SSBP2: variants seen among roughly 807,000 people sequenced by gnomAD.
SSBP2 encodes single stranded DNA binding protein 2, also known as single-stranded DNA-binding protein 2.
In SSBP2, 17 loss-of-function variants were observed where a neutral mutation model predicts 61.8. The observed-to-expected ratio is 0.28, with a 90% CI of 0.19 to 0.41. The LOEUF (loss-of-function observed/expected upper bound fraction) is 0.41, where lower values mean the gene tolerates loss of function less well. Among genes scored for constraint, SSBP2 ranks in the 10% least tolerant of loss-of-function variants. The pLI is 1.00. For missense variants in SSBP2, 310 were observed against 458.7 expected (o/e 0.68, Z 2.96); for synonymous variants, 139 against 141.3 (o/e 0.98, Z 0.12).
At chr5:81,746,819 A>C (rs1039395814) in intron 1 of SSBP2, among the ~76,000 whole-genome samples, 8 of 152,160 alleles carry the variant, frequency 5.3e-5, no homozygotes, top group Non-Finnish European at 4.4e-5. Flanking sequence ...GCTTTCTAGC[A>C]GATTCATCTT....
intron 1 of SSBP2, among the ~76,000 whole-genome samples, chr5:81,682,832 AAGATTAAC>A (rs1366830560): frequency 6.6e-6 from 1 of 152,182 alleles, no homozygotes; most frequent in Non-Finnish European, 1.5e-5. Context: ...TGCAGAACAC[AAGATTAAC>A]AGAAAAAATC....
chr5:81,504,767 C>T (rs552435932), intron 5 of SSBP2, among the ~76,000 whole-genome samples: 1 of 152,234 alleles, frequency 6.6e-6, no homozygotes, highest in South Asian at 2.1e-4. Flanking sequence ...TCTATGAAGA[C>T]AAGAATTTCT....
Position 81,413,718 on chromosome 5 carries a change from G to A in SSBP2, c.*6786C>T, listed in dbSNP as rs1034985310. ...AAAACAGTTTGAAATATGATAGAAA[G>A]TATAAACACATTTCAATCAGTAGTT... On this transcript the variant is annotated 3_prime_UTR_variant, in exon 17 of 17. Transcript: ENST00000320672. The A allele has an allele frequency of 6.6e-6, 1 of 152,108 alleles. No homozygotes were observed. Among genetic ancestry groups the A allele is most frequent in the African/African-American group, 2.4e-5 (1 of 41,426 alleles). The allele number at this position is 152,108 out of a possible 1,614,324, so 9.4% of individuals were successfully genotyped here.
intron 6 of SSBP2, among the ~76,000 whole-genome samples, chr5:81,483,041 G>A (rs145697345): frequency 2.1e-3 from 323 of 152,310 alleles, no homozygotes; most frequent in African/African-American, 6.8e-3. Flanking sequence ...ATAGTGATCA[G>A]GGAGTGGCTG....
chr5:81,644,062 A>AT (rs1455783685), intron 2 of SSBP2, among the ~76,000 whole-genome samples: 2 of 152,224 alleles, frequency 1.3e-5, no homozygotes, highest in Admixed American at 6.5e-5. Context: ...AGTTAACTGA[A>AT]TGTTCCTCAG....
chr5:81,730,374 G>A (rs1180958251), intron 1 of SSBP2, among the ~76,000 whole-genome samples: 1 of 152,046 alleles, frequency 6.6e-6, no homozygotes, highest in Non-Finnish European at 1.5e-5. Flanking sequence ...ACAGGCGCCC[G>A]CTACCACGCC....
chr5:81,687,861 G>A (rs919244224), intron 1 of SSBP2, among the ~76,000 whole-genome samples: 1 of 152,208 alleles, frequency 6.6e-6, no homozygotes, highest in Non-Finnish European at 1.5e-5. Context: ...TAGCCAGGCA[G>A]TACTTGCTAT....
intron 10 of SSBP2, among the ~76,000 whole-genome samples, chr5:81,457,452 C>T (rs1764237586): frequency 6.6e-6 from 1 of 152,028 alleles, no homozygotes. Flanking sequence ...AATAGATGTC[C>T]AAAATAGCAG....
chr5:81,698,493 T>A lies in SSBP2; in HGVS notation c.63-48154A>T, dbSNP rs1012680328. Among the ~76,000 whole-genome samples, 3 of 152,208 alleles carry A rather than the reference T, an allele frequency of 2.0e-5. No individual in the cohort carries two copies. In the South Asian group the frequency reaches 6.2e-4, roughly 32 times the overall value. ...GACAGGTTAAGGGGTGGCAAAGAGATGGGTGGAAAAGCAGCATTGATTTTA... is the reference window on the plus strand; with the variant it reads ...GACAGGTTAAGGGGTGGCAAAGAGAAGGGTGGAAAAGCAGCATTGATTTTA... On this transcript the variant is annotated intron_variant, in intron 1 of 16. Coordinates refer to ENST00000320672, the MANE Select transcript of SSBP2 (RefSeq NM_012446.5).
At chr5:81,504,341 G>A (rs1768019771) in intron 5 of SSBP2, among the ~76,000 whole-genome samples, 1 of 152,120 alleles carries the variant, frequency 6.6e-6, no homozygotes, top group Non-Finnish European at 1.5e-5. Flanking sequence ...TCCACTCAGA[G>A]GAAAATCCAA....
chr5:81,455,210 A>G (rs1335120522), intron 10 of SSBP2, among the ~76,000 whole-genome samples: 1 of 152,134 alleles, frequency 6.6e-6, no homozygotes, highest in African/African-American at 2.4e-5. Flanking sequence ...GCCTACCTTT[A>G]CACCTGCTTC....
chr5:81,427,268 A>T (rs1337833368), intron 16 of SSBP2, among the ~76,000 whole-genome samples: 3 of 152,244 alleles, frequency 2.0e-5, no homozygotes, highest in African/African-American at 7.2e-5. Flanking sequence ...CTTAAGCATT[A>T]TGACTTAAAT....
At chr5:81,488,053 ATATAT>A (rs2154050410) in intron 6 of SSBP2, among the ~76,000 whole-genome samples, 1 of 55,496 alleles carries the variant, frequency 1.8e-5, no homozygotes, top group Non-Finnish European at 3.3e-5. Context: ...ATATATATAT[ATATAT>A]AAATAAAATA....
intron 5 of SSBP2, among the ~76,000 whole-genome samples, chr5:81,500,944 T>G (rs1196824189): frequency 6.6e-6 from 1 of 151,202 alleles, no homozygotes. Context: ...CCAGGCACGG[T>G]GGCTCATGCC....
At chr5:81,714,346 G>C (rs1755031604) in intron 1 of SSBP2, among the ~76,000 whole-genome samples, 1 of 152,150 alleles carries the variant, frequency 6.6e-6, no homozygotes, top group African/African-American at 2.4e-5. Flanking sequence ...TTGCTATTGT[G>C]AATAGTGCTG....
chr5:81,750,750 A>AC lies in SSBP2; in HGVS notation c.62+230dup. 5.3e-6 allele frequency: 3 copies of AC among 567,292 alleles called. 1 individual carries two copies. The South Asian group carries it at 6.2e-5, about 12-fold the overall frequency. 35.1% of individuals were successfully genotyped at this position (567,292 alleles called of 1,614,324 possible). A position where few individuals can be genotyped will look rare whatever the true frequency, so the allele number is the denominator to read the frequency against. On this transcript the variant is annotated intron_variant, in intron 1 of 16. Coordinates refer to ENST00000320672, the MANE Select transcript of SSBP2 (RefSeq NM_012446.5). ...CAGCACCACCGCCGCCCCTCAACACACCCGGTCCCTCCCGCCGACAGCCCC... is the reference window on the plus strand; with the variant it reads ...CAGCACCACCGCCGCCCCTCAACACACCCCGGTCCCTCCCGCCGACAGCCCC...
At chr5:81,461,215 G>T in intron 9 of SSBP2, 112 bp from the exon 10 acceptor site, 1 of 731,902 alleles carries the variant, frequency 1.4e-6, no homozygotes, top group Non-Finnish European at 2.0e-6. Flanking sequence ...TGCAGTTCTA[G>T]TTTGGCACTG....
intron 4 of SSBP2, among the ~76,000 whole-genome samples, chr5:81,546,981 C>T: frequency 7.7e-6 from 1 of 130,270 alleles, no homozygotes; most frequent in East Asian, 2.3e-4. Flanking sequence ...AAGTTTTCAC[C>T]AAGACTAATC....
At chr5:81,509,336 A>C (rs1234274112) in intron 5 of SSBP2, among the ~76,000 whole-genome samples, 1 of 152,184 alleles carries the variant, frequency 6.6e-6, no homozygotes, top group Non-Finnish European at 1.5e-5. Flanking sequence ...CAGGTTCTCC[A>C]GATTTGGATC....
Sources: allele counts gnomAD v4.1 joint callset (sites outside exome capture counted in the v4.1 genomes callset), GRCh38; gene constraint gnomAD v4.1.1; transcripts MANE v1.5; gene names NCBI Gene and HGNC (gene_info 2026-07-23, HGNC 2026-07-21).